The following MN1 variants were observed in gnomAD, a reference collection of about 807,000 sequenced individuals.
MN1 encodes the protein MN1 proto-oncogene, transcriptional regulator, also known as transcriptional activator MN1.
MN1 carries 19 observed loss-of-function variants against 86.9 expected under a neutral mutation model. That is an observed-to-expected ratio of 0.22 (90% CI 0.15 to 0.32). MN1 has a LOEUF of 0.32. Ranked by LOEUF, MN1 falls within the 10% of genes least tolerant of loss-of-function variation. The pLI, the probability that MN1 is intolerant of heterozygous loss-of-function variation, is 1.00. For missense variants in MN1, 1,841 were observed against 1,862.0 expected (o/e 0.99, Z 0.21); for synonymous variants, 928 against 849.6 (o/e 1.09, Z -1.60).
At position 27,800,435 on chromosome 22, in the gene MN1, G is replaced by C; in HGVS notation, c.109C>G (p.Pro37Ala). 6.2e-7 allele frequency: 1 copy of C among 1,614,212 alleles called. No homozygotes were observed. The highest frequency in any genetic ancestry group is 2.2e-5 in the East Asian group (1 of 44,866). ...GLSMNTHFKAPAFHTGGPPGP... is the reference protein window; with the variant it reads ...GLSMNTHFKAAAFHTGGPPGP... ...GGGGGCCCCCCAGTGTGGAAAGCCG[G>C]GGCCTTAAAGTGGGTGTTCATGCTC... Residue 37 changes from proline (P) to alanine (A), a missense_variant, in exon 1 of 2, where the codon CCG becomes GCG. Pro to Ala is a conservative substitution (Grantham distance 27, BLOSUM62 -1). Transcript: ENST00000302326.
chr22:27,751,974 T>G (rs1023588896), intron 1 of MN1, among the ~76,000 whole-genome samples: 5 of 151,932 alleles, frequency 3.3e-5, no homozygotes, highest in Non-Finnish European at 7.4e-5. Flanking sequence ...GCTTTGAGAG[T>G]GGGGGCATGG....
chr22:27,788,808 C>T (rs1188271659), intron 1 of MN1, among the ~76,000 whole-genome samples: 1 of 152,018 alleles, frequency 6.6e-6, no homozygotes, highest in Non-Finnish European at 1.5e-5. Context: ...AAAACCAGAC[C>T]AGGCACACTG....
intron 1 of MN1, among the ~76,000 whole-genome samples, chr22:27,782,300 G>A (rs556994911): frequency 5.3e-5 from 8 of 152,242 alleles, no homozygotes; most frequent in East Asian, 1.9e-4. Context: ...AATTGCTGAC[G>A]CAGGGGCAGT....
intron 1 of MN1, among the ~76,000 whole-genome samples, chr22:27,785,315 G>A (rs1933112266): frequency 6.6e-6 from 1 of 152,108 alleles, no homozygotes; most frequent in Non-Finnish European, 1.5e-5. Context: ...TCCTAACAAC[G>A]GAAAAACCCC....
chr22:27,772,283 T>A (rs981253943), intron 1 of MN1, among the ~76,000 whole-genome samples: 4 of 152,154 alleles, frequency 2.6e-5, no homozygotes, highest in African/African-American at 7.2e-5. Context: ...AGCAGAGAAA[T>A]TGCCCAAGAC....
chr22:27,783,142 T>C (rs1259453413), intron 1 of MN1, among the ~76,000 whole-genome samples: 2 of 151,576 alleles, frequency 1.3e-5, no homozygotes, highest in Non-Finnish European at 2.9e-5. Context: ...GCTTTTTTTT[T>C]TTTTTTTCTT....
intron 1 of MN1, among the ~76,000 whole-genome samples, chr22:27,770,009 G>T (rs193177865): frequency 5.6e-4 from 85 of 152,166 alleles, no homozygotes; most frequent in Non-Finnish European, 1.0e-3. Flanking sequence ...AGTAAGACTC[G>T]CCCAAGGCCA....
rs1229036599 is a variant in MN1 at position 27,784,354 on chromosome 22, C to T, written c.3781+12409G>A. 3.9e-5 allele frequency among the ~76,000 whole-genome samples: 6 copies of T among 152,308 alleles called. No homozygotes were observed. In the South Asian group the frequency reaches 1.0e-3, roughly 26 times the overall value. ...CCACCCAAAATGTGGGCAAACCCAG[C>T]CTTTCTCTCTATTTCAGCCTCAATG... On this transcript the variant is annotated intron_variant, in intron 1 of 1. Transcript: ENST00000302326.
Position 27,801,027 on chromosome 22 carries a change from A to G in MN1, c.-484T>C. On this transcript the variant is annotated 5_prime_UTR_variant, in exon 1 of 2. Coordinates refer to ENST00000302326, the MANE Select transcript of MN1 (RefSeq NM_002430.3). ...GTGGCAGAGCTGCTAAGGGCAGGGG[A>G]GGGAGACCCTTCAAAGCCGCGGCTG... 1 of 253,502 alleles carries G rather than the reference A, an allele frequency of 3.9e-6. No homozygotes were observed. The highest frequency in any genetic ancestry group is 7.7e-6 in the Non-Finnish European group (1 of 130,318). 15.7% of individuals were successfully genotyped at this position (253,502 alleles called of 1,614,324 possible). A position where few individuals can be genotyped will look rare whatever the true frequency, so the allele number is the denominator to read the frequency against.
intron 1 of MN1, among the ~76,000 whole-genome samples, chr22:27,784,876 G>T (rs753686713): frequency 3.3e-5 from 5 of 152,134 alleles, no homozygotes; most frequent in African/African-American, 4.8e-5. Flanking sequence ...CTGCTGGGTT[G>T]TGGGTCGGGG....
intron 1 of MN1, among the ~76,000 whole-genome samples, chr22:27,789,799 C>G (rs1015237722): frequency 6.6e-6 from 1 of 152,194 alleles, no homozygotes; most frequent in Non-Finnish European, 1.5e-5. Context: ...TGAAAAGATA[C>G]GCATGCAATC....
At chr22:27,781,611 G>A (rs1352147237) in intron 1 of MN1, among the ~76,000 whole-genome samples, 1 of 152,158 alleles carries the variant, frequency 6.6e-6, no homozygotes, top group Non-Finnish European at 1.5e-5. Context: ...CTACCTTCTG[G>A]CTGACACCAA....
intron 1 of MN1, among the ~76,000 whole-genome samples, chr22:27,779,634 T>C (rs1160608794): frequency 6.6e-6 from 1 of 152,174 alleles, no homozygotes; most frequent in African/African-American, 2.4e-5. Context: ...GACTCAGTTT[T>C]CTCATCTGTA....
intron 1 of MN1, among the ~76,000 whole-genome samples, chr22:27,771,682 T>C (rs531299016): frequency 3.3e-5 from 5 of 152,334 alleles, no homozygotes; most frequent in East Asian, 1.9e-4. Flanking sequence ...TGCTTTTGCA[T>C]GACAGGGAAA....
intron 1 of MN1, among the ~76,000 whole-genome samples, chr22:27,792,275 G>T (rs985885866): frequency 7.0e-6 from 1 of 143,614 alleles, no homozygotes; most frequent in African/African-American, 2.5e-5. Flanking sequence ...TTATATTAAA[G>T]AAAGCTATAC....
At chr22:27,779,810 C>G (rs1417648429) in intron 1 of MN1, among the ~76,000 whole-genome samples, 1 of 152,164 alleles carries the variant, frequency 6.6e-6, no homozygotes, top group Non-Finnish European at 1.5e-5. Flanking sequence ...CTGGCCCCAG[C>G]TGGGCCTGTG....
rs1933244992 is a variant in MN1 at position 27,793,626 on chromosome 22, A to G, written c.3781+3137T>C. Among the ~76,000 whole-genome samples, 5 of 152,216 alleles carry G rather than the reference A, an allele frequency of 3.3e-5. No individual in the cohort carries two copies. In the South Asian group the frequency reaches 1.0e-3, roughly 32 times the overall value. On this transcript the variant is annotated intron_variant, in intron 1 of 1. Transcript: ENST00000302326. Reference sequence around the variant, plus strand: ...GTGGGTTGATTAAGAAGTCAAGAGAAGCATGATTTGGAGAGACTAGCTAGA... The same window carrying G: ...GTGGGTTGATTAAGAAGTCAAGAGAGGCATGATTTGGAGAGACTAGCTAGA...
At position 27,799,645 on chromosome 22, in the gene MN1, TGCTGCTGGG is replaced by T; in HGVS notation, c.890_898del (p.Pro297_Gln299del). 3 of 1,549,666 alleles carry T rather than the reference TGCTGCTGGG, an allele frequency of 1.9e-6. No homozygotes were observed. The highest frequency in any genetic ancestry group is 1.7e-6 in the Non-Finnish European group (2 of 1,146,508). ...CTGCTGCTGCTGCTGGGGCTGCTGC[TGCTGCTGGG>T]GCTGCTGCTGCGGTGGCTGGGCGTG... On this transcript the variant is annotated inframe_deletion, in exon 1 of 2. Coordinates refer to ENST00000302326, the MANE Select transcript of MN1 (RefSeq NM_002430.3).
At position 27,750,941 on chromosome 22, in the gene MN1, C is replaced by A; in HGVS notation, c.3937G>T (p.Gly1313Trp). ...CAAGTTAGGGCAGCCACGAATGTCC[C>A]AAATCTGTTGGAGATGTCAGAATGC... ...SLHSDISNRF[G>W]TFVAALT Residue 1313 changes from glycine to tryptophan, a missense_variant, in exon 2 of 2, where the codon GGG (glycine) becomes TGG (tryptophan). Physicochemically the swap from Gly to Trp is radical, Grantham distance 184. Transcript: ENST00000302326. The A allele has an allele frequency of 6.2e-7, 1 of 1,607,556 alleles. No individual in the cohort carries two copies. Among genetic ancestry groups the A allele is most frequent in the South Asian group, 1.1e-5 (1 of 90,072 alleles).
Sources: gnomAD v4.1 joint callset for allele counts (sites outside exome capture counted in the v4.1 genomes callset) on GRCh38, gnomAD v4.1.1 for gene constraint, MANE v1.5 for transcripts, NCBI Gene and HGNC (gene_info 2026-07-23, HGNC 2026-07-21) for gene names.